Variants in CRB1 observed in about 807,000 individuals in gnomAD.
CRB1 encodes protein crumbs homolog 1.
A neutral mutation model predicts 120.0 loss-of-function variants in CRB1; 83 were observed. That is an observed-to-expected ratio of 0.69 (90% CI 0.58 to 0.83). The LOEUF is 0.83. Ranked by LOEUF, CRB1 falls within the 40% of genes least tolerant of loss-of-function variation. The pLI, the probability that CRB1 is intolerant of heterozygous loss-of-function variation, is 0.00. For synonymous variants in CRB1, 625 were observed against 612.5 expected, an observed-to-expected ratio of 1.02 and a Z score of -0.30; for missense variants, 1,699 against 1,687.6, an observed-to-expected ratio of 1.01 and a Z score of -0.12.
At chr1:197,320,688 G>C (rs1658137618) in intron 1 of CRB1, among the ~76,000 whole-genome samples, 1 of 152,066 alleles carries the variant, frequency 6.6e-6, no homozygotes, top group South Asian at 2.1e-4. Context: ...CTTTAATAGT[G>C]AGTTATTGAT....
the CRB1 span, among the ~76,000 whole-genome samples, chr1:197,241,052 T>C: frequency 2.0e-5 from 3 of 152,178 alleles, no homozygotes; most frequent in African/African-American, 4.8e-5. Flanking sequence ...GGGTTGTTTG[T>C]TTTTTTCTTG....
intron 1 of CRB1, among the ~76,000 whole-genome samples, chr1:197,327,184 C>G (rs1252368674): frequency 6.6e-6 from 1 of 150,966 alleles, no homozygotes; most frequent in Non-Finnish European, 1.5e-5. Flanking sequence ...ATCTGTTGCC[C>G]CTTCCCACTG....
At chr1:197,402,414 T>G (rs1368633476) in intron 5 of CRB1, among the ~76,000 whole-genome samples, 1 of 152,232 alleles carries the variant, frequency 6.6e-6, no homozygotes, top group South Asian at 2.1e-4. Flanking sequence ...CTGCATAGTA[T>G]TCCATGGTGT....
chr1:197,398,760 A>G (rs775053000), intron 5 of CRB1, among the ~76,000 whole-genome samples: 5 of 152,114 alleles, frequency 3.3e-5, no homozygotes, highest in Non-Finnish European at 7.4e-5. Context: ...ATTTAAAGAA[A>G]TCAATCTGTA....
intron 11 of CRB1, among the ~76,000 whole-genome samples, chr1:197,471,999 G>C (rs1226495833): frequency 1.3e-5 from 2 of 152,158 alleles, no homozygotes; most frequent in African/African-American, 2.4e-5. Context: ...GTAGATGGAA[G>C]ATAAATATTC....
At chr1:197,305,319 G>A (rs1228355998) in intron 1 of CRB1, among the ~76,000 whole-genome samples, 1 of 152,034 alleles carries the variant, frequency 6.6e-6, no homozygotes. Context: ...TGGGAGTCAA[G>A]TGTATAAACA....
the CRB1 span, among the ~76,000 whole-genome samples, chr1:197,255,965 T>TTATATATATATA: frequency 0.039 from 3,325 of 84,914 alleles, 147 homozygotes; most frequent in Non-Finnish European, 0.057. Context: ...ATAGAACATT[T>TTATATATATATA]TATATATATA....
intron 1 of CRB1, among the ~76,000 whole-genome samples, chr1:197,305,329 A>G (rs1264783745): frequency 1.3e-5 from 2 of 152,156 alleles, no homozygotes; most frequent in Non-Finnish European, 2.9e-5. Context: ...GTGTATAAAC[A>G]TATTTGTTAA....
chr1:197,246,679 G>A, the CRB1 span, among the ~76,000 whole-genome samples: 3 of 152,016 alleles, frequency 2.0e-5, no homozygotes, highest in South Asian at 6.2e-4. Context: ...AAGATCAAAG[G>A]AAGAATACAA....
intron 5 of CRB1, among the ~76,000 whole-genome samples, chr1:197,397,308 A>G (rs1043775594): frequency 6.6e-6 from 1 of 152,086 alleles, no homozygotes; most frequent in African/African-American, 2.4e-5. Context: ...GTTATATGTA[A>G]TAATCGACAA....
chr1:197,299,059 A>G (rs1446005268), intron 1 of CRB1, among the ~76,000 whole-genome samples: 2 of 152,174 alleles, frequency 1.3e-5, no homozygotes, highest in Admixed American at 6.6e-5. Flanking sequence ...TAATGTAGAA[A>G]AAAAATCAAC....
At chr1:197,460,339 T>G (rs1329850585) in intron 11 of CRB1, among the ~76,000 whole-genome samples, 2 of 152,084 alleles carry the variant, frequency 1.3e-5, no homozygotes. Context: ...TGCCTTATAC[T>G]GAGCAGTGGT....
In CRB1 at chr1:197,377,062, A is replaced by G. The variant is rs116653119; in HGVS notation, c.1171+20049A>G. ...TCTTTTAAATCTTTATTCAAAGACC[A>G]CTTTTCCAGAGAGGTCTATCTAAAC... On this transcript the variant is annotated intron_variant, in intron 5 of 11. Coordinates refer to ENST00000367400, the MANE Select transcript of CRB1 (RefSeq NM_201253.3). Among the ~76,000 whole-genome samples, 978 of 152,206 alleles carry G rather than the reference A, an allele frequency of 6.4e-3. 2 individuals are homozygous for G. The highest frequency in any genetic ancestry group is 0.027 in the Middle Eastern group (8 of 294).
At chr1:197,211,585 A>C in the CRB1 span, among the ~76,000 whole-genome samples, 1 of 152,156 alleles carries the variant, frequency 6.6e-6, no homozygotes, top group Non-Finnish European at 1.5e-5. Context: ...TGGTCCTTTT[A>C]TTATAAGGTG....
chr1:197,401,439 T>G (rs1663059391), intron 5 of CRB1, among the ~76,000 whole-genome samples: 1 of 152,162 alleles, frequency 6.6e-6, no homozygotes, highest in Non-Finnish European at 1.5e-5. Flanking sequence ...TTAAATAAAA[T>G]TTCATCTTTT....
chr1:197,450,704 G>T (rs1199198164), intron 11 of CRB1, among the ~76,000 whole-genome samples: 1 of 149,220 alleles, frequency 6.7e-6, no homozygotes, highest in Non-Finnish European at 1.5e-5. Flanking sequence ...ACTTTGGGAG[G>T]CCGAGGTGGG....
At chr1:197,357,215 G>A (rs1361231349) in intron 5 of CRB1, 3 of 644,006 alleles carry the variant, frequency 4.7e-6, no homozygotes, top group Admixed American at 2.3e-5. Context: ...TATTAAAGAG[G>A]GATAAAGGAG....
At chr1:197,351,125 T>G (rs1660066916) in intron 4 of CRB1, among the ~76,000 whole-genome samples, 1 of 147,638 alleles carries the variant, frequency 6.8e-6, no homozygotes, top group South Asian at 2.1e-4. Context: ...GCAGATCACT[T>G]GAGGTCAGGA....
intron 1 of CRB1, among the ~76,000 whole-genome samples, chr1:197,310,196 C>A (rs1461016296): frequency 6.6e-6 from 1 of 152,104 alleles, no homozygotes; most frequent in Non-Finnish European, 1.5e-5. Flanking sequence ...TTTTCGAGGT[C>A]AAAGTTCAAG....
Sources: gnomAD v4.1 joint callset for allele counts (sites outside exome capture counted in the v4.1 genomes callset) on GRCh38, gnomAD v4.1.1 for gene constraint, MANE v1.5 for transcripts, NCBI Gene and HGNC (gene_info 2026-07-23, HGNC 2026-07-21) for gene names.